The following PDE3A variants were observed in gnomAD, a reference collection of about 807,000 sequenced individuals.
PDE3A encodes the protein phosphodiesterase 3A.
PDE3A carries 43 observed loss-of-function variants against 98.3 expected under a neutral mutation model. The ratio of observed to expected loss-of-function variants is 0.44; its 90% CI spans 0.34 to 0.56. The LOEUF is 0.56. PDE3A is among the 20% of genes least tolerant of loss of function. The probability of loss-of-function intolerance (pLI) is 0.01; values close to 1 mark genes in which losing one functional copy is unlikely to be tolerated. For missense variants in PDE3A, 1,427 were observed against 1,440.7 expected (o/e 0.99, Z 0.15); for synonymous variants, 663 against 567.9 (o/e 1.17, Z -2.38).
intron 8 of PDE3A, among the ~76,000 whole-genome samples, chr12:20,636,873 C>G (rs893847247): frequency 1.3e-5 from 2 of 152,138 alleles, no homozygotes; most frequent in Admixed American, 6.5e-5. Flanking sequence ...AGGCAAGCAC[C>G]TAATAGTGCA....
At chr12:20,636,422 T>G (rs1029780999) in intron 8 of PDE3A, among the ~76,000 whole-genome samples, 1 of 152,192 alleles carries the variant, frequency 6.6e-6, no homozygotes, top group South Asian at 2.1e-4. Flanking sequence ...CCTCATTCTC[T>G]TTCTTCTTTT....
chr12:20,431,607 A>G (rs1944698179), intron 1 of PDE3A, among the ~76,000 whole-genome samples: 1 of 151,308 alleles, frequency 6.6e-6, no homozygotes, highest in Admixed American at 6.6e-5. Context: ...ACACACACAC[A>G]CACACACACA....
chr12:20,455,199 T>C (rs1246730822), intron 1 of PDE3A, among the ~76,000 whole-genome samples: 2 of 152,196 alleles, frequency 1.3e-5, no homozygotes, highest in Admixed American at 6.5e-5. Flanking sequence ...TGATTTGCAT[T>C]TCTCTAATGC....
At chr12:20,610,745 G>C (rs1406216097) in intron 2 of PDE3A, among the ~76,000 whole-genome samples, 2 of 151,862 alleles carry the variant, frequency 1.3e-5, no homozygotes, top group African/African-American at 4.8e-5. Context: ...TAACATAGAT[G>C]GACCTGAAGA....
intron 1 of PDE3A, chr12:20,551,563 C>G: frequency 1.3e-6 from 2 of 1,497,726 alleles, no homozygotes; most frequent in Non-Finnish European, 1.8e-6. Flanking sequence ...TTACGCGACC[C>G]CCGAGCGGGT....
chr12:20,606,873 A>G (rs910408597), intron 2 of PDE3A, among the ~76,000 whole-genome samples: 2 of 149,872 alleles, frequency 1.3e-5, no homozygotes, highest in Admixed American at 6.7e-5. Context: ...AAAAAAAATT[A>G]AAACAAATTT....
At chr12:20,422,749 A>G (rs1249115782) in intron 1 of PDE3A, among the ~76,000 whole-genome samples, 1 of 152,226 alleles carries the variant, frequency 6.6e-6, no homozygotes, top group East Asian at 1.9e-4. Flanking sequence ...CCCAAAGGTA[A>G]ATATGAATAT....
chr12:20,447,109 A>G (rs1944969885), intron 1 of PDE3A, among the ~76,000 whole-genome samples: 1 of 152,176 alleles, frequency 6.6e-6, no homozygotes, highest in Non-Finnish European at 1.5e-5. Flanking sequence ...TCAGAAGAGA[A>G]ACTGGAACAC....
chr12:20,457,609 G>T (rs183295092), intron 1 of PDE3A, among the ~76,000 whole-genome samples: 2 of 151,218 alleles, frequency 1.3e-5, no homozygotes, highest in Admixed American at 1.3e-4. Context: ...ATAGAATACA[G>T]ATTTTCTTAA....
At chr12:20,671,649 AC>A (rs1234716921) in intron 15 of PDE3A, among the ~76,000 whole-genome samples, 4 of 150,042 alleles carry the variant, frequency 2.7e-5, no homozygotes, top group Non-Finnish European at 5.9e-5. Context: ...AAATTCAACA[AC>A]CCTTCATGCT....
intron 15 of PDE3A, among the ~76,000 whole-genome samples, chr12:20,663,608 C>G (rs1432675144): frequency 3.9e-5 from 6 of 152,182 alleles, no homozygotes; most frequent in African/African-American, 9.7e-5. Flanking sequence ...TTTAGACTTG[C>G]ATGGGACGTG....
At chr12:20,559,692 A>G (rs1942465172) in intron 2 of PDE3A, among the ~76,000 whole-genome samples, 1 of 151,762 alleles carries the variant, frequency 6.6e-6, no homozygotes, top group African/African-American at 2.4e-5. Flanking sequence ...GACTGCATAT[A>G]TACAAAGTGA....
chr12:20,619,750 C>T (rs527808843), intron 4 of PDE3A, among the ~76,000 whole-genome samples: 5 of 152,074 alleles, frequency 3.3e-5, no homozygotes, highest in African/African-American at 1.2e-4. Flanking sequence ...GAAGGTCATA[C>T]CACATTTCAA....
At chr12:20,525,708 A>T (rs1254435080) in intron 1 of PDE3A, among the ~76,000 whole-genome samples, 1 of 152,114 alleles carries the variant, frequency 6.6e-6, no homozygotes, top group African/African-American at 2.4e-5. Context: ...GTAAAATTTG[A>T]CCGACTACAA....
At chr12:20,471,320 A>G (rs1440943971) in intron 1 of PDE3A, among the ~76,000 whole-genome samples, 27 of 152,176 alleles carry the variant, frequency 1.8e-4, no homozygotes, top group Non-Finnish European at 8.8e-5. Flanking sequence ...GCTTTTAACT[A>G]TGATTGATTG....
chr12:20,440,826 T>C (rs968875216), intron 1 of PDE3A, among the ~76,000 whole-genome samples: 4 of 152,166 alleles, frequency 2.6e-5, no homozygotes. Flanking sequence ...AGGTTTTCCA[T>C]CAGAGATGGA....
intron 1 of PDE3A, among the ~76,000 whole-genome samples, chr12:20,430,647 T>A (rs995521506): frequency 6.6e-6 from 1 of 152,164 alleles, no homozygotes; most frequent in African/African-American, 2.4e-5. Flanking sequence ...AAAGTTGAGA[T>A]GGGCTACTCT....
At chr12:20,370,620 T>C (rs895417902) in intron 1 of PDE3A, among the ~76,000 whole-genome samples, 1 of 152,032 alleles carries the variant, frequency 6.6e-6, no homozygotes, top group African/African-American at 2.4e-5. Flanking sequence ...GAATTAAGTT[T>C]AGATTTTAGC....
intron 2 of PDE3A, chr12:20,557,133 T>C (rs1229117747): frequency 5.8e-6 from 1 of 172,214 alleles, no homozygotes; most frequent in African/African-American, 2.4e-5. Context: ...GTCTCTAAAT[T>C]AACTCTCTTC....
Sources: gnomAD v4.1 joint callset for allele counts (sites outside exome capture counted in the v4.1 genomes callset) on GRCh38, gnomAD v4.1.1 for gene constraint, MANE v1.5 for transcripts, NCBI Gene and HGNC (gene_info 2026-07-23, HGNC 2026-07-21) for gene names.